MTA1: variants seen among roughly 807,000 people sequenced by gnomAD.
The protein encoded by MTA1 is metastasis-associated protein MTA1.
Under a neutral mutation model 97.0 loss-of-function variants are expected in MTA1, and 15 were observed. That is an observed-to-expected ratio of 0.15 (90% CI 0.10 to 0.24). The LOEUF (loss-of-function observed/expected upper bound fraction) is 0.24. Among genes scored for constraint, MTA1 ranks in the 10% least tolerant of loss-of-function variants. The pLI, the probability that MTA1 is intolerant of heterozygous loss-of-function variation, is 1.00. For synonymous variants in MTA1, 435 were observed against 417.5 expected (o/e 1.04, Z -0.51); for missense variants, 709 against 1,015.1 (o/e 0.70, Z 4.10).
chr14:105,432,117 T>C (rs1217899990), intron 1 of MTA1, among the ~76,000 whole-genome samples: 1 of 152,240 alleles, frequency 6.6e-6, no homozygotes, highest in Non-Finnish European at 1.5e-5. Flanking sequence ...AGCCTCAATT[T>C]CCTGGGCTCA....
Position 105,465,956 on chromosome 14 carries a change from T to C in MTA1, c.1625-470T>C, listed in dbSNP as rs587728510. ...TCCCTGTTTGGGGTTGTGGCCCCTG[T>C]CCTGTGGGAAGAGGTGGCTGGTGTC... On this transcript the variant is annotated intron_variant, in intron 16 of 20. Transcript: ENST00000331320. 2.1e-5 allele frequency: 4 copies of C among 193,472 alleles called. No homozygotes were observed. The South Asian group carries it at 3.7e-4, about 18-fold the overall frequency. 12.0% of individuals were successfully genotyped at this position (193,472 alleles called of 1,614,324 possible).
At position 105,470,473 on chromosome 14, in the gene MTA1, C is replaced by T; in HGVS notation, c.*258C>T. On this transcript the variant is annotated 3_prime_UTR_variant, in exon 21 of 21. Transcript: ENST00000331320. ...CGGAGATGAGGGGCCACCCCGTGCCCCTGTGCTGCGGGGCCTTTTGCCCGG... is the reference window on the plus strand; with the variant it reads ...CGGAGATGAGGGGCCACCCCGTGCCTCTGTGCTGCGGGGCCTTTTGCCCGG... 2 of 425,384 alleles carry T rather than the reference C, an allele frequency of 4.7e-6. No homozygotes were observed. The highest frequency in any genetic ancestry group is 4.5e-5 in the Admixed American group (1 of 22,114). The allele number at this position is 425,384 out of a possible 1,614,324, so 26.4% of individuals were successfully genotyped here. A position where few individuals can be genotyped will look rare whatever the true frequency, so the allele number is the denominator to read the frequency against.
chr14:105,449,189 G>T (rs984790598), intron 3 of MTA1, 170 bp from the exon 4 acceptor site: 13 of 578,230 alleles, frequency 2.2e-5, no homozygotes, highest in Non-Finnish European at 3.6e-5. Flanking sequence ...GGGGGACGTC[G>T]AGGCCCAGAT....
Position 105,423,333 on chromosome 14 carries a change from C to T in MTA1, c.28+3270C>T, listed in dbSNP as rs192732766. Among the ~76,000 whole-genome samples the T allele has an allele frequency of 3.7e-3, 568 of 151,594 alleles. 8 individuals are homozygous for T. Among genetic ancestry groups the T allele is most frequent in the African/African-American group, 0.013 (555 of 41,246 alleles). ...CTCCCCGGCCCAAGCGATTTCCTGCCTCAGCCTCCCAAGTAGCTGGGACTA... is the reference window on the plus strand; with the variant it reads ...CTCCCCGGCCCAAGCGATTTCCTGCTTCAGCCTCCCAAGTAGCTGGGACTA... On this transcript the variant is annotated intron_variant, in intron 1 of 20. Coordinates refer to ENST00000331320, the MANE Select transcript of MTA1 (RefSeq NM_004689.4).
intron 16 of MTA1, chr14:105,465,512 T>C (rs1476530852): frequency 1.1e-4 from 23 of 205,310 alleles, no homozygotes; most frequent in African/African-American, 5.1e-4. Flanking sequence ...TGATCGTCCC[T>C]GGGGCCTGAG....
chr14:105,460,354 C>T lies in MTA1; in HGVS notation c.654-4C>T, dbSNP rs1595396290. The T allele has an allele frequency of 6.2e-7, 1 of 1,607,178 alleles. No individual in the cohort carries two copies. Among genetic ancestry groups the T allele is most frequent in the Non-Finnish European group, 8.5e-7 (1 of 1,176,906 alleles). ...ACTGTGGTCAGCGCATCTCCTTTCC[C>T]CAGCTCTGTGGGCACCTTCGCACGG... On this transcript the variant is annotated splice_region_variant and splice_polypyrimidine_tract_variant and intron_variant, in intron 8 of 20. Transcript: ENST00000331320.
chr14:105,463,652 A>C lies in MTA1; in HGVS notation c.1076+101A>C. Reference sequence around the variant, plus strand: ...GCGGGTCCCAAGGAAACTCAAGCTCAGAGGCTGGGAAAGTTGGGGCAGCCC... The same window carrying C: ...GCGGGTCCCAAGGAAACTCAAGCTCCGAGGCTGGGAAAGTTGGGGCAGCCC... On this transcript the variant is annotated intron_variant, in intron 12 of 20. Transcript: ENST00000331320. This position sits in a 1 kb window ranked among gnomAD's most constrained non-coding sequence, Gnocchi z 5.9. 1 of 1,257,474 alleles carries C rather than the reference A, an allele frequency of 8.0e-7. No individual in the cohort carries two copies. Among genetic ancestry groups the C allele is most frequent in the Non-Finnish European group, 1.1e-6 (1 of 875,466 alleles). The allele number at this position is 1,257,474 out of a possible 1,614,324, so 77.9% of individuals were successfully genotyped here. A position where few individuals can be genotyped will look rare whatever the true frequency, so the allele number is the denominator to read the frequency against.
intron 1 of MTA1, among the ~76,000 whole-genome samples, chr14:105,436,585 G>A (rs2082330860): frequency 6.6e-6 from 1 of 152,132 alleles, no homozygotes; most frequent in South Asian, 2.1e-4. Flanking sequence ...CGTCGTGCCT[G>A]CCACCTCCCC....
At chr14:105,423,624 C>G (rs1200135494) in intron 1 of MTA1, among the ~76,000 whole-genome samples, 3 of 152,366 alleles carry the variant, frequency 2.0e-5, no homozygotes, top group East Asian at 1.9e-4. Flanking sequence ...GCCCCTGCCC[C>G]TGCAGGGCCG....
chr14:105,423,673 G>A (rs1363859489), intron 1 of MTA1, among the ~76,000 whole-genome samples: 1 of 152,254 alleles, frequency 6.6e-6, no homozygotes, highest in Non-Finnish European at 1.5e-5. Flanking sequence ...CTGGGCGGAA[G>A]CACCCTGTCC....
chr14:105,437,512 C>T (rs587654596), intron 1 of MTA1, among the ~76,000 whole-genome samples: 1 of 151,608 alleles, frequency 6.6e-6, no homozygotes, highest in Non-Finnish European at 1.5e-5. Flanking sequence ...TGCGTCCTCA[C>T]TGGCGTGTCC....
At chr14:105,442,118 AG>A (rs1487805283) in intron 2 of MTA1, among the ~76,000 whole-genome samples, 1 of 152,224 alleles carries the variant, frequency 6.6e-6, no homozygotes, top group Non-Finnish European at 1.5e-5. Context: ...AGCAATAAAG[AG>A]GGGCCCCTTC....
At chr14:105,451,059 G>A (rs2141585056) in intron 6 of MTA1, among the ~76,000 whole-genome samples, 1 of 152,328 alleles carries the variant, frequency 6.6e-6, no homozygotes, top group African/African-American at 2.4e-5. Context: ...GGGCTCTGCT[G>A]CCACCTGGCT....
chr14:105,452,848 C>G lies in MTA1; in HGVS notation c.433-1345C>G, dbSNP rs1462356208. On this transcript the variant is annotated intron_variant, in intron 6 of 20. Transcript: ENST00000331320. ...TTTAAAGGTAGCTCTTGAAAGAAAA[C>G]ACGCAGAGTAGCTTTCAGAATAGGA... 2.0e-5 allele frequency among the ~76,000 whole-genome samples: 3 copies of G among 152,346 alleles called. No homozygotes were observed. In the East Asian group the frequency reaches 5.8e-4, roughly 29 times the overall value.
rs79374020 is a variant in MTA1, at chr14:105,427,402, C to T, written c.28+7339C>T. 3.9e-3 allele frequency among the ~76,000 whole-genome samples: 601 copies of T among 152,282 alleles called. 38 individuals carry two copies. The East Asian group carries it at 0.098, about 25-fold the overall frequency. Reference sequence around the variant, plus strand: ...TTTTAGATGCCCCTGGGGGAGGTGCCGCAGTGCTGTTGAGTGTCCCTGGAC... The same window carrying T: ...TTTTAGATGCCCCTGGGGGAGGTGCTGCAGTGCTGTTGAGTGTCCCTGGAC... On this transcript the variant is annotated intron_variant, in intron 1 of 20. Coordinates refer to ENST00000331320, the MANE Select transcript of MTA1 (RefSeq NM_004689.4).
chr14:105,458,214 G>GCGGCC, intron 7 of MTA1, 56 bp from the exon 8 acceptor site: 4 of 1,503,326 alleles, frequency 2.7e-6, no homozygotes, highest in Middle Eastern at 1.7e-4. Flanking sequence ...GAGGAGAGGC[G>GCGGCC]CGGCCCGGCG....
intron 18 of MTA1, chr14:105,467,447 C>T (rs947206344): frequency 8.8e-6 from 4 of 455,814 alleles, no homozygotes; most frequent in Non-Finnish European, 1.3e-5. Flanking sequence ...GGCTGCCCAG[C>T]CCAGCCAACC....
intron 7 of MTA1, 116 bp from the exon 8 acceptor site, chr14:105,458,154 G>C: frequency 1.3e-6 from 1 of 785,894 alleles, no homozygotes; most frequent in Non-Finnish European, 2.1e-6. Context: ...TCACCTATGG[G>C]GCCCTGCAGC....
At chr14:105,433,790 C>G (rs1181379023) in intron 1 of MTA1, among the ~76,000 whole-genome samples, 1 of 152,186 alleles carries the variant, frequency 6.6e-6, no homozygotes, top group Non-Finnish European at 1.5e-5. Flanking sequence ...AACAAGTCCT[C>G]TCATGAGTGC....
Sources: allele counts gnomAD v4.1 joint callset (sites outside exome capture counted in the v4.1 genomes callset), GRCh38; gene constraint gnomAD v4.1.1; non-coding constraint Gnocchi (gnomAD v3.1); transcripts MANE v1.5; gene names NCBI Gene and HGNC (gene_info 2026-07-23, HGNC 2026-07-21).